The following SIPA1L1 variants were observed in gnomAD, a reference collection of about 807,000 sequenced individuals.
SIPA1L1 encodes signal induced proliferation associated 1 like 1, also known as signal-induced proliferation-associated 1-like protein 1.
A neutral mutation model predicts 162.7 loss-of-function variants in SIPA1L1; 26 were observed. The ratio of observed to expected loss-of-function variants is 0.16; its 90% CI spans 0.12 to 0.22. The LOEUF is 0.22. SIPA1L1 is among the 10% of genes least tolerant of loss of function. The pLI is 1.00. For synonymous variants in SIPA1L1, 829 were observed against 837.4 expected, an observed-to-expected ratio of 0.99 and a Z score of 0.17; for missense variants, 1,874 against 2,241.0, an observed-to-expected ratio of 0.84 and a Z score of 3.31.
At chr14:71,357,881 C>G (rs576151936) in intron 2 of SIPA1L1, among the ~76,000 whole-genome samples, 3 of 152,318 alleles carry the variant, frequency 2.0e-5, no homozygotes, top group African/African-American at 7.2e-5. Context: ...GTGCACACCA[C>G]CATGCCCAGC....
intron 2 of SIPA1L1, among the ~76,000 whole-genome samples, chr14:71,442,964 A>G (rs2045029713): frequency 6.6e-6 from 1 of 152,194 alleles, no homozygotes; most frequent in Non-Finnish European, 1.5e-5. Context: ...AAGATTTGAT[A>G]ATCATAAAAG....
At chr14:71,648,073 T>TGAGGTCAG (rs1306509023) in intron 7 of SIPA1L1, among the ~76,000 whole-genome samples, 50 of 152,252 alleles carry the variant, frequency 3.3e-4, no homozygotes, top group Middle Eastern at 3.4e-3. Flanking sequence ...GTGGATCACC[T>TGAGGTCAG]GAGGTCAGGA....
chr14:71,711,718 A>C (rs897727166), intron 17 of SIPA1L1, among the ~76,000 whole-genome samples: 1 of 152,210 alleles, frequency 6.6e-6, no homozygotes. Context: ...GCATTATCTG[A>C]ATGTGCTGAC....
intron 2 of SIPA1L1, among the ~76,000 whole-genome samples, chr14:71,405,449 G>A (rs2041970497): frequency 6.6e-6 from 1 of 152,144 alleles, no homozygotes; most frequent in Admixed American, 6.5e-5. Flanking sequence ...CTAATGTTGG[G>A]GGACAGTTCT....
chr14:71,685,327 C>T (rs1239292013), intron 12 of SIPA1L1, 35 bp from the exon 13 acceptor site: 8 of 1,606,856 alleles, frequency 5.0e-6, no homozygotes, highest in East Asian at 2.2e-5. Flanking sequence ...AAAGCAGTAT[C>T]CATTGTGTTT....
rs576661067 is a variant in SIPA1L1, at chr14:71,445,086, A to T, written c.-464-67657A>T. On this transcript the variant is annotated intron_variant, in intron 2 of 23. Transcript: ENST00000381232. Reference sequence around the variant, plus strand: ...TTATTTGGAGAAAGAAAACATGTTCATATGAAATAATTATAGTTAGTGGAA... The same window carrying T: ...TTATTTGGAGAAAGAAAACATGTTCTTATGAAATAATTATAGTTAGTGGAA... Among the ~76,000 whole-genome samples, 3 of 152,376 alleles carry T rather than the reference A, an allele frequency of 2.0e-5. No individual in the cohort carries two copies. In the South Asian group the frequency reaches 6.2e-4, roughly 32 times the overall value.
At chr14:71,482,695 C>T (rs542595007) in intron 2 of SIPA1L1, among the ~76,000 whole-genome samples, 3 of 152,298 alleles carry the variant, frequency 2.0e-5, no homozygotes, top group Non-Finnish European at 4.4e-5. Context: ...TATTTAACCT[C>T]TTAAGCTTTC....
intron 19 of SIPA1L1, 56 bp from the exon 20 acceptor site, chr14:71,729,999 T>C: frequency 1.3e-6 from 2 of 1,575,036 alleles, no homozygotes; most frequent in Non-Finnish European, 1.7e-6. Flanking sequence ...CCAACCTTGG[T>C]CTCAGGGATC....
At chr14:71,723,347 C>G (rs564863753) in intron 17 of SIPA1L1, among the ~76,000 whole-genome samples, 2 of 152,146 alleles carry the variant, frequency 1.3e-5, no homozygotes, top group East Asian at 1.9e-4. Flanking sequence ...GCCAGACTTC[C>G]GTGACAAACG....
rs2034958967 is a variant in SIPA1L1, at chr14:71,589,253, G to T, written c.1381G>T (p.Ala461Ser). 2.5e-6 allele frequency: 4 copies of T among 1,614,062 alleles called. No individual in the cohort carries two copies. The South Asian group carries it at 4.4e-5, about 18-fold the overall frequency. ...TTCCCATTGCACAAATGCAGGAGTG[G>T]CAGTACTTGAAGTGCCCAAGGAGAA... The part of the protein sequence containing the change: ...LSSHCTNAGV[A>S]VLEVPKENLV... The change falls in exon 5 of 24, where the codon GCA becomes TCA. Residue 461 changes from alanine (A) to serine (S), a missense_variant. By Grantham distance (99) the Ala-to-Ser change is moderately conservative. Around this residue, in one of 5 missense-constraint regions of SIPA1L1, gnomAD observed 685 missense variants for 828.0 expected, o/e 0.83. Transcript: ENST00000381232.
At chr14:71,326,590 C>T (rs2033830424) in intron 2 of SIPA1L1, among the ~76,000 whole-genome samples, 1 of 152,086 alleles carries the variant, frequency 6.6e-6, no homozygotes, top group South Asian at 2.1e-4. Flanking sequence ...GTGTGCCAAA[C>T]GATCGTGTTC....
chr14:71,382,617 C>G (rs2039997228), intron 2 of SIPA1L1, among the ~76,000 whole-genome samples: 1 of 152,072 alleles, frequency 6.6e-6, no homozygotes, highest in Non-Finnish European at 1.5e-5. Flanking sequence ...AAGGACTGAG[C>G]TGTGTAGAAT....
chr14:71,712,128 T>C (rs866836958), intron 17 of SIPA1L1, among the ~76,000 whole-genome samples: 2 of 152,326 alleles, frequency 1.3e-5, no homozygotes, highest in Middle Eastern at 3.4e-3. Flanking sequence ...TGTAGAGATA[T>C]CTTGACAGTG....
intron 2 of SIPA1L1, chr14:71,398,419 A>T (rs1232247766): frequency 1.3e-5 from 2 of 152,226 alleles, no homozygotes; most frequent in Non-Finnish European, 2.9e-5. Context: ...AATGAATTGT[A>T]GCATTTTCTT....
intron 2 of SIPA1L1, among the ~76,000 whole-genome samples, chr14:71,393,463 G>A (rs987621431): frequency 6.6e-6 from 1 of 152,070 alleles, no homozygotes. Flanking sequence ...TGCCAAAGCC[G>A]ATTTGTAAAG....
At chr14:71,702,951 TA>T (rs1032402301) in intron 15 of SIPA1L1, among the ~76,000 whole-genome samples, 5 of 152,124 alleles carry the variant, frequency 3.3e-5, no homozygotes, top group Admixed American at 2.6e-4. Context: ...GATGTGCTTT[TA>T]AAAAAAATTC....
chr14:71,401,978 A>T lies in SIPA1L1; in HGVS notation c.-465+80797A>T, dbSNP rs373200088. On this transcript the variant is annotated intron_variant, in intron 2 of 23. Transcript: ENST00000381232. The stretch of plus-strand genomic sequence containing the variant: ...ATTATGCCTAAATTACAATTATTGT[A>T]AATAATATAAGGTGGAGGCTGCATA... Among the ~76,000 whole-genome samples the T allele has an allele frequency of 1.1e-4, 16 of 152,336 alleles. No homozygotes were observed. The South Asian group carries it at 3.3e-3, about 32-fold the overall frequency.
At chr14:71,671,901 CTGTGTGTGTGTGTGTGTGTGTGTG>C in intron 11 of SIPA1L1, among the ~76,000 whole-genome samples, 1 of 142,702 alleles carries the variant, frequency 7.0e-6, no homozygotes, top group African/African-American at 2.6e-5. Flanking sequence ...CACATTTACT[CTGTGTGTGTGTGTGTGTGTGTGTG>C]TGTGTGTGTG....
chr14:71,348,211 C>G (rs2036356968), intron 2 of SIPA1L1, among the ~76,000 whole-genome samples: 1 of 152,162 alleles, frequency 6.6e-6, no homozygotes, highest in Admixed American at 6.5e-5. Context: ...GCAGGGTCAA[C>G]ACAGAGACTA....
Sources: allele counts gnomAD v4.1 joint callset (sites outside exome capture counted in the v4.1 genomes callset), GRCh38; gene constraint gnomAD v4.1.1; regional missense constraint gnomAD v4.1.1; transcripts MANE v1.5; gene names NCBI Gene and HGNC (gene_info 2026-07-23, HGNC 2026-07-21).